The following BANP variants were observed in gnomAD, a reference collection of about 807,000 sequenced individuals.
BANP encodes the protein BTG3 associated nuclear protein, also known as protein BANP.
In BANP, 11 loss-of-function variants were observed where a neutral mutation model predicts 68.1. That is an observed-to-expected ratio of 0.16 (90% CI 0.10 to 0.27). The LOEUF (loss-of-function observed/expected upper bound fraction) is 0.27. Ranked by LOEUF, BANP falls within the 10% of genes least tolerant of loss-of-function variation. BANP has a pLI of 1.00. For synonymous variants in BANP, 329 were observed against 303.2 expected, an observed-to-expected ratio of 1.09 and a Z score of -0.88; for missense variants, 504 against 722.7, an observed-to-expected ratio of 0.70 and a Z score of 3.47.
upstream of BANP, chr16:87,951,315 A>C (rs963891098): frequency 6.6e-6 from 1 of 151,888 alleles, no homozygotes; most frequent in African/African-American, 2.4e-5. Flanking sequence ...GAGCGGGAAA[A>C]GCGCGCGCAG....
At chr16:88,035,273 T>C in intron 9 of BANP, 50 bp from the exon 10 acceptor site, 1 of 1,484,774 alleles carries the variant, frequency 6.7e-7, no homozygotes, top group Non-Finnish European at 9.2e-7. Context: ...TCTTGTTTCC[T>C]TTGCTTTTGA....
intron 13 of BANP, among the ~76,000 whole-genome samples, chr16:88,075,474 A>G (rs532217946): frequency 5.6e-4 from 85 of 152,208 alleles, no homozygotes; most frequent in African/African-American, 1.9e-3. Context: ...CTGCACTCCA[A>G]CCTGGGCAAC....
intron 11 of BANP, among the ~76,000 whole-genome samples, chr16:88,047,926 C>G (rs933517442): frequency 2.6e-5 from 4 of 152,342 alleles, no homozygotes; most frequent in African/African-American, 9.6e-5. Context: ...GAATTTAACC[C>G]TGATTAGCAG....
At chr16:87,958,036 T>C (rs2058439540) in intron 1 of BANP, among the ~76,000 whole-genome samples, 1 of 152,164 alleles carries the variant, frequency 6.6e-6, no homozygotes, top group South Asian at 2.1e-4. Flanking sequence ...TTTAGAAGGC[T>C]GGGTGCCCTG....
intron 12 of BANP, among the ~76,000 whole-genome samples, chr16:88,067,759 G>C (rs1427619202): frequency 2.0e-5 from 3 of 152,088 alleles, no homozygotes; most frequent in African/African-American, 4.8e-5. Context: ...CCCTTTCACT[G>C]ACCTCGCCCT....
intron 7 of BANP, among the ~76,000 whole-genome samples, chr16:88,020,403 G>C (rs1405487920): frequency 1.3e-5 from 2 of 152,246 alleles, no homozygotes; most frequent in Non-Finnish European, 2.9e-5. Context: ...TGTGCTTCCA[G>C]CTTGAAACCC....
At chr16:87,992,622 C>T (rs2066139407) in intron 4 of BANP, among the ~76,000 whole-genome samples, 2 of 152,072 alleles carry the variant, frequency 1.3e-5, no homozygotes, top group East Asian at 1.9e-4. Context: ...GGCGAAACCC[C>T]GTCTCTACTA....
intron 11 of BANP, among the ~76,000 whole-genome samples, chr16:88,042,820 G>A (rs1378584447): frequency 6.6e-6 from 1 of 152,140 alleles, no homozygotes; most frequent in Non-Finnish European, 1.5e-5. Flanking sequence ...ATGAGGCTGA[G>A]GCAGGAGGAT....
At chr16:87,999,055 T>C (rs2068241245) in intron 4 of BANP, among the ~76,000 whole-genome samples, 1 of 125,580 alleles carries the variant, frequency 8.0e-6, no homozygotes, top group Non-Finnish European at 1.6e-5. Context: ...TACCTGTCCT[T>C]CCAGACACGT....
At chr16:87,981,992 A>C (rs1308172349) in intron 3 of BANP, among the ~76,000 whole-genome samples, 2 of 152,260 alleles carry the variant, frequency 1.3e-5, no homozygotes, top group East Asian at 3.8e-4. Context: ...TTCTACTTAC[A>C]CAGGGTGTCT....
At chr16:88,070,716 T>G (rs1435187979) in intron 12 of BANP, among the ~76,000 whole-genome samples, 4 of 152,160 alleles carry the variant, frequency 2.6e-5, no homozygotes, top group African/African-American at 9.7e-5. Flanking sequence ...TCACTGAAGA[T>G]GGAGGTTCCT....
intron 11 of BANP, among the ~76,000 whole-genome samples, chr16:88,058,253 G>A (rs990893252): frequency 3.9e-5 from 6 of 152,182 alleles, no homozygotes; most frequent in Non-Finnish European, 8.8e-5. Context: ...AGGACAGTGC[G>A]AACAAAGATC....
intron 1 of BANP, among the ~76,000 whole-genome samples, chr16:87,959,442 G>A (rs779403953): frequency 6.6e-6 from 1 of 152,208 alleles, no homozygotes; most frequent in Admixed American, 6.5e-5. Context: ...GTGTAGAGAG[G>A]CAGTGGCTGG....
At chr16:88,021,187 A>G (rs193208361) in intron 7 of BANP, among the ~76,000 whole-genome samples, 9 of 152,182 alleles carry the variant, frequency 5.9e-5, no homozygotes, top group African/African-American at 1.7e-4. Context: ...AGCTGAGGTC[A>G]TTGGCTGTGT....
At position 88,071,486 on chromosome 16, in the gene BANP, GCT is replaced by G. The variant is rs1567943593; in HGVS notation, c.1378-578_1378-577del. 2.2e-6 allele frequency: 1 copy of G among 456,366 alleles called. No individual in the cohort carries two copies. Among genetic ancestry groups the G allele is most frequent in the Admixed American group, 2.3e-5 (1 of 42,584 alleles). 28.3% of individuals were successfully genotyped at this position (456,366 alleles called of 1,614,324 possible). ...GTACAAGGTCGGGAGGGCCAGCGGG[GCT>G]CTCTGCCACCAGGACTCACTTCCGC... On this transcript the variant is annotated intron_variant, in intron 12 of 13. Coordinates refer to ENST00000682872, the MANE Select transcript of BANP (RefSeq NM_001386991.1). The surrounding 1 kb of genome is among the most constrained non-coding windows in gnomAD (Gnocchi z 6.5).
At chr16:87,951,164 G>A (rs1354563960), upstream of BANP, among the ~76,000 whole-genome samples, 2 of 152,236 alleles carry the variant, frequency 1.3e-5, no homozygotes, top group African/African-American at 4.8e-5. Context: ...TCTCAAAGAA[G>A]ATGCAAATTC....
chr16:88,075,772 A>G lies in BANP; in HGVS notation c.1522-818A>G, dbSNP rs1410503938. On this transcript the variant is annotated intron_variant, in intron 13 of 13. Transcript: ENST00000682872. ...TTTTTTTTTTTTTTTTTTGAGATGG[A>G]GTCTGGCTCTGTTGCCCAGGCTGGA... 1.7e-3 allele frequency among the ~76,000 whole-genome samples: 199 copies of G among 120,570 alleles called. 1 individual carries two copies. Among genetic ancestry groups the G allele is most frequent in the African/African-American group, 5.7e-3 (176 of 30,894 alleles). The allele number at this position is 120,570 out of a possible 152,430, so 79.1% of individuals were successfully genotyped here. A position where few individuals can be genotyped will look rare whatever the true frequency, so the allele number is the denominator to read the frequency against.
Position 87,957,876 on chromosome 16 carries a change from A to G in BANP, c.-69+6361A>G, listed in dbSNP as rs2058405312. 6.6e-6 allele frequency among the ~76,000 whole-genome samples: 1 copy of G among 151,192 alleles called. No individual in the cohort carries two copies. The highest frequency in any genetic ancestry group is 1.5e-5 in the Non-Finnish European group (1 of 67,932). ...GGGCGCTGGTGGCCAGGATGCGGACAACCCCTGCCGCTACGTGTCCTCAAG... is the reference window on the plus strand; with the variant it reads ...GGGCGCTGGTGGCCAGGATGCGGACGACCCCTGCCGCTACGTGTCCTCAAG... On this transcript the variant is annotated intron_variant, in intron 1 of 13. Transcript: ENST00000682872. This position sits in a 1 kb window ranked among gnomAD's most constrained non-coding sequence, Gnocchi z 4.3.
In BANP at chr16:88,002,159, T is replaced by G. The variant is rs550588095; in HGVS notation, c.363-2136T>G. Among the ~76,000 whole-genome samples the G allele has an allele frequency of 2.6e-5, 4 of 152,212 alleles. No homozygotes were observed. The South Asian group carries it at 8.3e-4, about 32-fold the overall frequency. On this transcript the variant is annotated intron_variant, in intron 4 of 13. Transcript: ENST00000682872. This position sits in a 1 kb window ranked among gnomAD's most constrained non-coding sequence, Gnocchi z 4.6. ...ACAGGATTCCATGTTGGTCCTGCTGTTTTTGGTTTTTATAACTCTGGGTGC... is the reference window on the plus strand; with the variant it reads ...ACAGGATTCCATGTTGGTCCTGCTGGTTTTGGTTTTTATAACTCTGGGTGC...
Sources: allele counts gnomAD v4.1 joint callset (sites outside exome capture counted in the v4.1 genomes callset), GRCh38; gene constraint gnomAD v4.1.1; non-coding constraint Gnocchi (gnomAD v3.1); transcripts MANE v1.5; gene names NCBI Gene and HGNC (gene_info 2026-07-23, HGNC 2026-07-21).